Variants in ROBO2 observed in about 807,000 individuals in gnomAD.
The protein encoded by ROBO2 is roundabout guidance receptor 2, also known as roundabout homolog 2.
A neutral mutation model predicts 160.8 loss-of-function variants in ROBO2; 53 were observed. That is an observed-to-expected ratio of 0.33 (90% CI 0.26 to 0.41). The LOEUF (loss-of-function observed/expected upper bound fraction) is 0.41, where lower values mean the gene tolerates loss of function less well. Ranked by LOEUF, ROBO2 falls within the 10% of genes least tolerant of loss-of-function variation. The probability of loss-of-function intolerance (pLI) is 1.00; values close to 1 mark genes in which losing one functional copy is unlikely to be tolerated. For missense variants in ROBO2, 1,577 were observed against 1,722.4 expected (o/e 0.92, Z 1.49); for synonymous variants, 664 against 611.7 (o/e 1.09, Z -1.26).
At chr3:76,673,920 T>G (rs2092337719) in intron 2 of ROBO2, among the ~76,000 whole-genome samples, 1 of 152,180 alleles carries the variant, frequency 6.6e-6, no homozygotes, top group Non-Finnish European at 1.5e-5. Flanking sequence ...TCTTATAATG[T>G]GATCTATGTA....
chr3:76,625,525 G>GA (rs34852080), intron 2 of ROBO2, among the ~76,000 whole-genome samples: 24,231 of 149,582 alleles, frequency 0.16, 2,000 homozygotes, highest in Middle Eastern at 0.2. Flanking sequence ...CGTGCAGCAG[G>GA]AAAAAAAAAA....
At chr3:77,470,808 G>A (rs1442304594) in intron 2 of ROBO2, among the ~76,000 whole-genome samples, 3 of 152,054 alleles carry the variant, frequency 2.0e-5, no homozygotes, top group South Asian at 4.2e-4. Flanking sequence ...GAACTGCTTC[G>A]GGCTAGAGGT....
intron 2 of ROBO2, among the ~76,000 whole-genome samples, chr3:76,559,901 T>C (rs2084053888): frequency 6.6e-6 from 1 of 152,152 alleles, no homozygotes; most frequent in South Asian, 2.1e-4. Flanking sequence ...TGTAATGCTA[T>C]TACCATGAGG....
At chr3:77,372,152 G>A (rs1445099418) in intron 2 of ROBO2, among the ~76,000 whole-genome samples, 2 of 152,060 alleles carry the variant, frequency 1.3e-5, no homozygotes, top group African/African-American at 2.4e-5. Flanking sequence ...GAAAGAGAAG[G>A]AAGGAGGGAG....
At chr3:77,649,338 T>G (rs2095433628) in exon 26 of ROBO2, 2 of 152,204 alleles carry the variant, frequency 1.3e-5, no homozygotes, top group Admixed American at 1.3e-4. Flanking sequence ...GTTTGTAATG[T>G]GCTTTGATGG....
At chr3:76,538,909 G>A (rs1358377522) in intron 2 of ROBO2, among the ~76,000 whole-genome samples, 1 of 152,110 alleles carries the variant, frequency 6.6e-6, no homozygotes, top group Non-Finnish European at 1.5e-5. Flanking sequence ...CTAGCATGCT[G>A]TCCTATTTAC....
At chr3:75,953,154 G>A (rs1394114485) in intron 2 of ROBO2, among the ~76,000 whole-genome samples, 1 of 151,922 alleles carries the variant, frequency 6.6e-6, no homozygotes, top group African/African-American at 2.4e-5. Flanking sequence ...GCTGGGTTGT[G>A]TGGTAAGAGT....
At chr3:76,318,673 A>T (rs1429640073) in intron 2 of ROBO2, among the ~76,000 whole-genome samples, 1 of 152,128 alleles carries the variant, frequency 6.6e-6, no homozygotes, top group Non-Finnish European at 1.5e-5. Context: ...TTTACAACTT[A>T]GCTATAAAAT....
At chr3:76,338,707 T>C (rs2074039162) in intron 2 of ROBO2, among the ~76,000 whole-genome samples, 1 of 150,012 alleles carries the variant, frequency 6.7e-6, no homozygotes, top group Non-Finnish European at 1.5e-5. Flanking sequence ...ATATAATGCT[T>C]ATTAATTATA....
At chr3:76,161,708 A>G (rs2072646365) in intron 2 of ROBO2, among the ~76,000 whole-genome samples, 1 of 152,126 alleles carries the variant, frequency 6.6e-6, no homozygotes, top group Admixed American at 6.6e-5. Flanking sequence ...GCAGCATACA[A>G]GTTTTCCCTA....
intron 2 of ROBO2, among the ~76,000 whole-genome samples, chr3:76,381,361 ATT>A (rs59612896): frequency 6.6e-6 from 1 of 151,582 alleles, no homozygotes; most frequent in Non-Finnish European, 1.5e-5. Flanking sequence ...TTTTGTTATT[ATT>A]TTTTTGAGAT....
intron 2 of ROBO2, among the ~76,000 whole-genome samples, chr3:76,890,960 T>G (rs1252928880): frequency 6.6e-6 from 1 of 152,186 alleles, no homozygotes; most frequent in African/African-American, 2.4e-5. Context: ...GTATATATTA[T>G]TTGTGAAATT....
intron 2 of ROBO2, among the ~76,000 whole-genome samples, chr3:76,465,983 C>A (rs549954363): frequency 7.3e-6 from 1 of 136,230 alleles, no homozygotes; most frequent in African/African-American, 2.8e-5. Context: ...GTTAAAATAT[C>A]CTGGATAAAA....
chr3:76,586,790 A>C (rs1375617146), intron 2 of ROBO2, among the ~76,000 whole-genome samples: 1 of 152,190 alleles, frequency 6.6e-6, no homozygotes. Flanking sequence ...CTTTAAGCTA[A>C]AGTGCACTAA....
Position 77,435,635 on chromosome 3 carries a change from A to C in ROBO2, c.389-41779A>C, listed in dbSNP as rs1017730346. ...TTTAGCACTATTGATCCGCTAAAAAATGAAAGCAAACTAAGCAAGAGCCAG... is the reference window on the plus strand; with the variant it reads ...TTTAGCACTATTGATCCGCTAAAAACTGAAAGCAAACTAAGCAAGAGCCAG... On this transcript the variant is annotated intron_variant, in intron 2 of 25. Transcript: ENST00000461745. Among the ~76,000 whole-genome samples the C allele has an allele frequency of 1.1e-4, 16 of 151,988 alleles. 1 individual carries two copies. The South Asian group carries it at 2.7e-3, about 26-fold the overall frequency.
At chr3:77,215,190 C>T (rs2084762747) in intron 2 of ROBO2, among the ~76,000 whole-genome samples, 1 of 152,206 alleles carries the variant, frequency 6.6e-6, no homozygotes, top group Non-Finnish European at 1.5e-5. Context: ...AACTTGGTTC[C>T]ATTCTCCCCG....
intron 2 of ROBO2, among the ~76,000 whole-genome samples, chr3:76,164,708 A>C (rs1056888470): frequency 5.3e-5 from 8 of 152,186 alleles, no homozygotes; most frequent in Non-Finnish European, 7.3e-5. Context: ...ACCATCATCC[A>C]GGCTTTGTTG....
chr3:77,405,765 T>A (rs1261556386), intron 2 of ROBO2, among the ~76,000 whole-genome samples: 2 of 152,076 alleles, frequency 1.3e-5, no homozygotes, highest in Non-Finnish European at 2.9e-5. Context: ...AACAATGATG[T>A]TGGAATGCAA....
At chr3:76,317,356 C>T (rs2072119668) in intron 2 of ROBO2, among the ~76,000 whole-genome samples, 1 of 152,120 alleles carries the variant, frequency 6.6e-6, no homozygotes, top group African/African-American at 2.4e-5. Flanking sequence ...TTTACTATAT[C>T]ATTTAAATGT....
Sources: gnomAD v4.1 joint callset for allele counts (sites outside exome capture counted in the v4.1 genomes callset) on GRCh38, gnomAD v4.1.1 for gene constraint, MANE v1.5 for transcripts, NCBI Gene and HGNC (gene_info 2026-07-23, HGNC 2026-07-21) for gene names.